BCL2: variants seen among roughly 807,000 people sequenced by gnomAD.
The protein encoded by BCL2 is BCL2 apoptosis regulator.
BCL2 carries 1 observed loss-of-function variant against 14.2 expected under a neutral mutation model. The ratio of observed to expected loss-of-function variants is 0.07; its 90% CI spans 0.02 to 0.33. BCL2 has a LOEUF of 0.33. Ranked by LOEUF, BCL2 falls within the 10% of genes least tolerant of loss-of-function variation. The pLI, the probability that BCL2 is intolerant of heterozygous loss-of-function variation, is 0.99. For synonymous variants in BCL2, 151 were observed against 137.2 expected (o/e 1.10, Z -0.70); for missense variants, 247 against 305.9 (o/e 0.81, Z 1.44).
intron 2 of BCL2, among the ~76,000 whole-genome samples, chr18:63,199,676 C>T (rs1186902053): frequency 6.6e-6 from 1 of 151,866 alleles, no homozygotes; most frequent in Non-Finnish European, 1.5e-5. Flanking sequence ...GACATACACA[C>T]AGGTACAGAC....
At chr18:63,278,643 G>A (rs943819522) in intron 2 of BCL2, among the ~76,000 whole-genome samples, 1 of 152,094 alleles carries the variant, frequency 6.6e-6, no homozygotes, top group Non-Finnish European at 1.5e-5. Flanking sequence ...CCTTGTAGAA[G>A]TTGGACTCCA....
chr18:63,210,063 G>C (rs966346015), intron 2 of BCL2, among the ~76,000 whole-genome samples: 1 of 152,222 alleles, frequency 6.6e-6, no homozygotes, highest in African/African-American at 2.4e-5. Context: ...GAGTGAAGCT[G>C]TGCAGTCAGG....
intron 2 of BCL2, among the ~76,000 whole-genome samples, chr18:63,298,013 C>T (rs540906472): frequency 1.2e-4 from 18 of 152,288 alleles, no homozygotes; most frequent in African/African-American, 4.3e-4. Context: ...GCTGGGTTTC[C>T]AGGCCGGCAC....
chr18:63,194,676 C>T (rs980416502), intron 2 of BCL2, among the ~76,000 whole-genome samples: 4 of 152,174 alleles, frequency 2.6e-5, no homozygotes, highest in African/African-American at 7.2e-5. Context: ...CAGCAGATAA[C>T]TTACAAGTGC....
Position 63,319,538 on chromosome 18 carries a change from G to C in BCL2, c.-651C>G, listed in dbSNP as rs1187138230. 1 of 229,242 alleles carries C rather than the reference G, an allele frequency of 4.4e-6. No individual in the cohort carries two copies. The highest frequency in any genetic ancestry group is 2.2e-5 in the African/African-American group (1 of 45,056). The allele number at this position is 229,242 out of a possible 1,614,324, so 14.2% of individuals were successfully genotyped here. ...AATTTACACGCGCGCACACACGCGCGGGCACAGGCATGAATCTCTATCCAC... is the reference window on the plus strand; with the variant it reads ...AATTTACACGCGCGCACACACGCGCCGGCACAGGCATGAATCTCTATCCAC... On this transcript the variant is annotated 5_prime_UTR_variant, in exon 1 of 3. Transcript: ENST00000333681.
At position 63,276,872 on chromosome 18, in the gene BCL2, G is replaced by A. The variant is rs758048560; in HGVS notation, c.585+41210C>T. ...CCTTTTGTACTTCCTTTCTATTACA[G>A]TTAAGGCATTGTATGGATGGTTTGT... On this transcript the variant is annotated intron_variant, in intron 2 of 2. Transcript: ENST00000333681. Among the ~76,000 whole-genome samples the A allele has an allele frequency of 8.5e-5, 13 of 152,292 alleles. No homozygotes were observed. The South Asian group carries it at 2.5e-3, about 29-fold the overall frequency.
intron 2 of BCL2, among the ~76,000 whole-genome samples, chr18:63,297,901 T>A (rs1413483059): frequency 5.3e-5 from 8 of 152,318 alleles, no homozygotes; most frequent in South Asian, 2.1e-4. Flanking sequence ...CCAGGAACAC[T>A]GCTGAAAACA....
At chr18:63,238,453 A>G (rs1910900241) in intron 2 of BCL2, among the ~76,000 whole-genome samples, 1 of 152,186 alleles carries the variant, frequency 6.6e-6, no homozygotes, top group Admixed American at 6.5e-5. Flanking sequence ...TAAATCAGAA[A>G]CTCAGGAAAA....
At chr18:63,202,922 G>A (rs4987780) in intron 2 of BCL2, among the ~76,000 whole-genome samples, 3,225 of 152,238 alleles carry the variant, frequency 0.021, 40 homozygotes, top group South Asian at 0.054. Context: ...CTTGCCCCCG[G>A]AGTGGATTTC....
At chr18:63,148,595 C>G (rs1435636805) in intron 2 of BCL2, among the ~76,000 whole-genome samples, 1 of 151,626 alleles carries the variant, frequency 6.6e-6, no homozygotes, top group Admixed American at 6.6e-5. Flanking sequence ...CTCAATGATG[C>G]AATGAGATAC....
At chr18:63,156,981 T>C (rs1286079302) in intron 2 of BCL2, among the ~76,000 whole-genome samples, 1 of 152,244 alleles carries the variant, frequency 6.6e-6, no homozygotes, top group East Asian at 1.9e-4. Flanking sequence ...CAGCTACTCA[T>C]GTGAACATGA....
rs1568222744 is a variant in BCL2 at position 63,169,377 on chromosome 18, T to TTCTTTCTTTCTTTCTTTC, written c.586-40619_586-40618insGAAAGAAAGAAAGAAAGA. 1.7e-5 allele frequency among the ~76,000 whole-genome samples: 2 copies of TTCTTTCTTTCTTTCTTTC among 119,558 alleles called. 1 individual carries two copies. Among genetic ancestry groups the TTCTTTCTTTCTTTCTTTC allele is most frequent in the East Asian group, 6.0e-4 (2 of 3,360 alleles). 78.4% of individuals were successfully genotyped at this position (119,558 alleles called of 152,430 possible). ...TCTTTCTTTCTTTCTTTCTCTTTCT[T>TTCTTTCTTTCTTTCTTTC]TCTTTCTTTCTTTTTCTTTCTTTCT... On this transcript the variant is annotated intron_variant, in intron 2 of 2. Coordinates refer to ENST00000333681, the MANE Select transcript of BCL2 (RefSeq NM_000633.3).
intron 2 of BCL2, among the ~76,000 whole-genome samples, chr18:63,198,581 CACAT>C (rs1360683215): frequency 6.7e-6 from 1 of 150,314 alleles, no homozygotes; most frequent in Non-Finnish European, 1.5e-5. Context: ...GACACACAGA[CACAT>C]AGACACAGAG....
At chr18:63,292,388 A>G (rs1912676683) in intron 2 of BCL2, among the ~76,000 whole-genome samples, 1 of 152,216 alleles carries the variant, frequency 6.6e-6, no homozygotes, top group Admixed American at 6.5e-5. Context: ...TGTTATGATC[A>G]TCTTAGATAT....
chr18:63,241,934 T>C (rs1911015056), intron 2 of BCL2, among the ~76,000 whole-genome samples: 1 of 152,212 alleles, frequency 6.6e-6, no homozygotes, highest in Non-Finnish European at 1.5e-5. Context: ...CTAGGTCAAT[T>C]GCTTGGTTTG....
intron 2 of BCL2, among the ~76,000 whole-genome samples, chr18:63,256,968 G>C (rs921998688): frequency 4.6e-5 from 7 of 152,164 alleles, no homozygotes; most frequent in African/African-American, 1.2e-4. Context: ...GGAAAGTAAT[G>C]AGTTCTTTGA....
chr18:63,133,246 G>C (rs1031908878), intron 2 of BCL2, among the ~76,000 whole-genome samples: 1 of 151,930 alleles, frequency 6.6e-6, no homozygotes, highest in African/African-American at 2.4e-5. Context: ...TCACCCCTCC[G>C]GGCCATGGAG....
intron 2 of BCL2, among the ~76,000 whole-genome samples, chr18:63,277,285 T>G (rs1299796061): frequency 6.6e-6 from 1 of 152,130 alleles, no homozygotes; most frequent in Non-Finnish European, 1.5e-5. Context: ...TCTATGAGAG[T>G]GAGGATTTTG....
chr18:63,133,619 G>A (rs985913785), intron 2 of BCL2, among the ~76,000 whole-genome samples: 5 of 152,146 alleles, frequency 3.3e-5, no homozygotes, highest in Middle Eastern at 3.4e-3. Context: ...AACCTAAAAT[G>A]AGAATTTTTT....
Sources: gnomAD v4.1 joint callset for allele counts (sites outside exome capture counted in the v4.1 genomes callset) on GRCh38, gnomAD v4.1.1 for gene constraint, MANE v1.5 for transcripts, NCBI Gene and HGNC (gene_info 2026-07-23, HGNC 2026-07-21) for gene names.